SPIRE1: variants seen among roughly 807,000 people sequenced by gnomAD.
SPIRE1 encodes spire type actin nucleation factor 1.
A neutral mutation model predicts 94.1 loss-of-function variants in SPIRE1; 40 were observed. The ratio of observed to expected loss-of-function variants is 0.43; its 90% confidence interval spans 0.33 to 0.55. The LOEUF (loss-of-function observed/expected upper bound fraction) is 0.55. Ranked by LOEUF, SPIRE1 falls within the 20% of genes least tolerant of loss-of-function variation. SPIRE1 has a pLI of 0.06. For missense variants in SPIRE1, 838 were observed against 975.2 expected, an observed-to-expected ratio of 0.86 and a Z score of 1.87; for synonymous variants, 376 against 371.7, an observed-to-expected ratio of 1.01 and a Z score of -0.13.
At position 12,551,473 on chromosome 18, in the gene SPIRE1, G is replaced by A. The variant is rs550144751; in HGVS notation, c.373-4569C>T. On this transcript the variant is annotated intron_variant, in intron 2 of 16. Transcript: ENST00000409402. ...TCCCAGCATTTTGGGAGGCCGAGGC[G>A]GGCAGATCACGAGGTCGGGAGATTG... 5.3e-5 allele frequency among the ~76,000 whole-genome samples: 8 copies of A among 152,200 alleles called. 1 individual carries two copies. In the South Asian group the frequency reaches 8.3e-4, roughly 16 times the overall value.
intron 2 of SPIRE1, among the ~76,000 whole-genome samples, chr18:12,551,390 T>C (rs928568895): frequency 2.0e-5 from 3 of 152,198 alleles, no homozygotes; most frequent in African/African-American, 4.8e-5. Context: ...CAAAAACTTA[T>C]AGAATTGTAT....
At chr18:12,508,186 T>G (rs2143997613) in intron 5 of SPIRE1, among the ~76,000 whole-genome samples, 1 of 152,184 alleles carries the variant, frequency 6.6e-6, no homozygotes, top group Admixed American at 6.5e-5. Context: ...GACACAATAG[T>G]TACTTAAATA....
intron 2 of SPIRE1, among the ~76,000 whole-genome samples, chr18:12,552,092 C>T (rs1050374502): frequency 7.2e-5 from 11 of 152,230 alleles, no homozygotes; most frequent in South Asian, 2.1e-4. Context: ...TTAAGACCAG[C>T]GCTAGCCACA....
intron 2 of SPIRE1, among the ~76,000 whole-genome samples, chr18:12,613,141 G>A (rs1373474461): frequency 6.6e-6 from 1 of 152,164 alleles, no homozygotes; most frequent in Non-Finnish European, 1.5e-5. Flanking sequence ...GACACAGCAT[G>A]TGCGCAATAA....
chr18:12,563,692 T>A (rs946021878), intron 2 of SPIRE1, among the ~76,000 whole-genome samples: 7 of 152,192 alleles, frequency 4.6e-5, no homozygotes, highest in African/African-American at 1.7e-4. Flanking sequence ...CCTTAGATCT[T>A]TAGAAGATTC....
At chr18:12,529,395 C>T (rs1409936954) in intron 4 of SPIRE1, among the ~76,000 whole-genome samples, 1 of 150,310 alleles carries the variant, frequency 6.7e-6, no homozygotes, top group East Asian at 1.9e-4. Context: ...GCAGTATGTG[C>T]TGAATATATA....
chr18:12,508,862 C>G (rs967853200), intron 5 of SPIRE1, among the ~76,000 whole-genome samples: 1 of 152,004 alleles, frequency 6.6e-6, no homozygotes. Flanking sequence ...TTTCAGTAGA[C>G]ACAGGTTTCG....
rs576772347 is a variant in SPIRE1 at position 12,643,101 on chromosome 18, A to AAAATGTTTATAGTATAAACATTTTT, written c.338-8030_338-8006dup. On this transcript the variant is annotated intron_variant, in intron 1 of 16. Coordinates refer to ENST00000409402, the MANE Select transcript of SPIRE1 (RefSeq NM_001128626.2). ...ATATGTAGTAAAGGATAAATAGCTA[A>AAAATGTTTATAGTATAAACATTTTT]AAATGTTTATAGTATAAACATTTTT... Among the ~76,000 whole-genome samples, 362 of 152,298 alleles carry AAAATGTTTATAGTATAAACATTTTT rather than the reference A, an allele frequency of 2.4e-3. 2 individuals are homozygous for AAAATGTTTATAGTATAAACATTTTT. Among genetic ancestry groups the AAAATGTTTATAGTATAAACATTTTT allele is most frequent in the African/African-American group, 6.2e-3 (259 of 41,540 alleles).
intron 1 of SPIRE1, among the ~76,000 whole-genome samples, chr18:12,638,003 G>A (rs748589346): frequency 6.6e-6 from 1 of 152,186 alleles, no homozygotes; most frequent in South Asian, 2.1e-4. Context: ...TGAAAAGGCT[G>A]TAAGTACAAA....
At chr18:12,469,941 T>C (rs2032284812) in intron 10 of SPIRE1, among the ~76,000 whole-genome samples, 2 of 151,852 alleles carry the variant, frequency 1.3e-5, no homozygotes, top group South Asian at 4.1e-4. Context: ...TTTATGTTCA[T>C]TAATTAACTA....
intron 2 of SPIRE1, among the ~76,000 whole-genome samples, chr18:12,587,020 T>C (rs2036407872): frequency 1.3e-5 from 2 of 152,226 alleles, no homozygotes; most frequent in South Asian, 4.1e-4. Flanking sequence ...TTGTATGTTA[T>C]TGTATGTTAT....
At chr18:12,643,155 G>A (rs533697176) in intron 1 of SPIRE1, among the ~76,000 whole-genome samples, 30 of 151,720 alleles carry the variant, frequency 2.0e-4, no homozygotes, top group African/African-American at 7.3e-4. Flanking sequence ...AGCTAAAAAT[G>A]TTTATAGCCT....
chr18:12,502,515 T>C (rs559719), intron 6 of SPIRE1, among the ~76,000 whole-genome samples: 3,092 of 152,224 alleles, frequency 0.02, 88 homozygotes, highest in African/African-American at 0.071. Context: ...GTATTGGCAA[T>C]AGGAACGGTC....
Position 12,584,368 on chromosome 18 carries a change from T to G in SPIRE1, c.373-37464A>C. Among the ~76,000 whole-genome samples the G allele has an allele frequency of 1.3e-5, 2 of 151,684 alleles. 1 individual carries two copies. The highest frequency in any genetic ancestry group is 2.9e-5 in the Non-Finnish European group (2 of 67,968). ...TCTCTTGAACCTGGGAGGCAGAGGTTGCAGTGAGCAGAGATAGTACCACTG... is the reference window on the plus strand; with the variant it reads ...TCTCTTGAACCTGGGAGGCAGAGGTGGCAGTGAGCAGAGATAGTACCACTG... On this transcript the variant is annotated intron_variant, in intron 2 of 16. Transcript: ENST00000409402.
intron 8 of SPIRE1, 137 bp downstream of exon 8, chr18:12,492,935 T>G: frequency 5.2e-6 from 5 of 957,214 alleles, no homozygotes; most frequent in Non-Finnish European, 7.5e-6. Context: ...TACGAGAGAG[T>G]GAGAGGGAGA....
At chr18:12,658,427 C>T (rs1193034995), upstream of SPIRE1, 8 of 401,136 alleles carry the variant, frequency 2.0e-5, no homozygotes, top group Non-Finnish European at 3.1e-5. Context: ...ACACGCGGGG[C>T]CGGGCGCGCG....
intron 10 of SPIRE1, among the ~76,000 whole-genome samples, chr18:12,479,454 G>A (rs1046030644): frequency 6.6e-6 from 1 of 152,048 alleles, no homozygotes; most frequent in African/African-American, 2.4e-5. Context: ...GATTATAGAC[G>A]TGAGCTAACA....
intron 11 of SPIRE1, 137 bp from the exon 12 acceptor site, chr18:12,463,630 ATCCT>A (rs2031967650): frequency 1.4e-6 from 1 of 701,052 alleles, no homozygotes; most frequent in Non-Finnish European, 2.3e-6. Context: ...GGTAATGGTA[ATCCT>A]TAGGAGTAGA....
At chr18:12,481,612 A>C (rs1478233007) in intron 9 of SPIRE1, among the ~76,000 whole-genome samples, 2 of 152,110 alleles carry the variant, frequency 1.3e-5, no homozygotes, top group Admixed American at 6.5e-5. Context: ...TTATCTTTTT[A>C]CATAAAATTT....
Sources: gnomAD v4.1 joint callset for allele counts (sites outside exome capture counted in the v4.1 genomes callset) on GRCh38, gnomAD v4.1.1 for gene constraint, MANE v1.5 for transcripts, NCBI Gene and HGNC (gene_info 2026-07-23, HGNC 2026-07-21) for gene names.